USP36: variants seen among roughly 807,000 people sequenced by gnomAD.
The protein encoded by USP36 is ubiquitin specific peptidase 36, also known as ubiquitin carboxyl-terminal hydrolase 36.
A neutral mutation model predicts 111.5 loss-of-function variants in USP36; 59 were observed. The observed-to-expected ratio is 0.53, with a 90% confidence interval of 0.43 to 0.66. The LOEUF is 0.66. Ranked by LOEUF, USP36 falls within the 30% of genes least tolerant of loss-of-function variation. The probability of loss-of-function intolerance (pLI) is 0.00; values close to 1 mark genes in which losing one functional copy is unlikely to be tolerated. For missense variants in USP36, 1,488 were observed against 1,468.0 expected (o/e 1.01, Z -0.22); for synonymous variants, 628 against 581.0 (o/e 1.08, Z -1.16).
chr17:78,803,927 G>T lies in USP36; in HGVS notation c.2268C>A (p.Ser756Arg). ...QSSSRLQPPFSPHPTLLSSTP... is the reference protein window; with the variant it reads ...QSSSRLQPPFRPHPTLLSSTP... ...TACTGGACAGCAATGTGGGGTGGGG[G>T]CTGAAGGGGGGTTGCAGGCGGCTGG... Residue 756 changes from serine to arginine, a missense_variant, in exon 16 of 21, where the codon AGC becomes AGA. By Grantham distance (110) the Ser-to-Arg change is moderately radical. Coordinates refer to ENST00000449938, the MANE Select transcript of USP36 (RefSeq NM_001385174.1). The surrounding 1 kb of genome is among the most constrained non-coding windows in gnomAD (Gnocchi z 4.6). The T allele has an allele frequency of 6.6e-7, 1 of 1,516,090 alleles. No individual in the cohort carries two copies. The highest frequency in any genetic ancestry group is 1.8e-5 in the Admixed American group (1 of 56,936). 93.9% of individuals were successfully genotyped at this position (1,516,090 alleles called of 1,614,324 possible).
chr17:78,804,652 A>AG (rs2093847762), intron 15 of USP36, among the ~76,000 whole-genome samples: 1 of 148,566 alleles, frequency 6.7e-6, no homozygotes, highest in African/African-American at 2.5e-5. Flanking sequence ...AAAAAAAAAA[A>AG]AGCAAGCCAA....
intron 3 of USP36, among the ~76,000 whole-genome samples, chr17:78,789,495 G>T (rs145375689): frequency 3.6e-4 from 55 of 152,320 alleles, no homozygotes; most frequent in African/African-American, 1.3e-3. Context: ...TTGCAGCATA[G>T]ACCTTGCAGA....
chr17:78,802,606 G>A lies in USP36; in HGVS notation c.2811-71C>T, dbSNP rs369280197. The stretch of plus-strand genomic sequence containing the variant: ...GGGGAGCAGGAGCGCACAGACACCC[G>A]CCTGCAACATGGAGAAGGTGCCACC... On this transcript the variant is annotated intron_variant, in intron 16 of 20. Transcript: ENST00000449938. 46 of 1,442,476 alleles carry A rather than the reference G, an allele frequency of 3.2e-5. No individual in the cohort carries two copies. The African/African-American group carries it at 4.2e-4, about 13-fold the overall frequency. 89.4% of individuals were successfully genotyped at this position (1,442,476 alleles called of 1,614,324 possible). A position where few individuals can be genotyped will look rare whatever the true frequency, so the allele number is the denominator to read the frequency against.
chr17:78,821,057 C>T lies in USP36; in HGVS notation c.762G>A (p.Lys254=). ...IFGGYLRSRV[K]CSVCKSVSDT... Reference sequence around the variant, plus strand: ...CCGAGACGCTCTTGCACACGGAGCACTTCACTGCAACAGAACAGAGGCAGT... The same window carrying T: ...CCGAGACGCTCTTGCACACGGAGCATTTCACTGCAACAGAACAGAGGCAGT... Residue 254 remains lysine (K), a synonymous_variant, in exon 8 of 21, where the codon AAG becomes AAA. Coordinates refer to ENST00000449938, the MANE Select transcript of USP36 (RefSeq NM_001385174.1). The T allele has an allele frequency of 1.6e-5, 26 of 1,601,294 alleles. No individual in the cohort carries two copies. Among genetic ancestry groups the T allele is most frequent in the Non-Finnish European group, 2.2e-5 (26 of 1,173,628 alleles).
At position 78,808,600 on chromosome 17, in the gene USP36, C is replaced by T. The variant is rs539813992; in HGVS notation, c.1408-964G>A. Among the ~76,000 whole-genome samples the T allele has an allele frequency of 2.2e-4, 34 of 152,332 alleles. No homozygotes were observed. The East Asian group carries it at 6.2e-3, about 28-fold the overall frequency. On this transcript the variant is annotated intron_variant, in intron 13 of 20. Coordinates refer to ENST00000449938, the MANE Select transcript of USP36 (RefSeq NM_001385174.1). The stretch of plus-strand genomic sequence containing the variant: ...CTATATATACTATGTACTACTGATA[C>T]ACATTAACTGTATGGTTAATTTATA...
chr17:78,827,016 G>T (rs548069811), intron 6 of USP36: 1 of 669,170 alleles, frequency 1.5e-6, no homozygotes, highest in East Asian at 2.7e-5. Flanking sequence ...CTACCAAGCC[G>T]CCCCGGACCA....
intron 13 of USP36, among the ~76,000 whole-genome samples, chr17:78,811,985 T>C (rs975400690): frequency 4.6e-5 from 7 of 152,276 alleles, no homozygotes; most frequent in East Asian, 3.9e-4. Context: ...GCTGAGGAGC[T>C]TAAGACCAGC....
chr17:78,814,446 C>A lies in USP36; in HGVS notation c.1130G>T (p.Ser377Ile). The change falls in exon 11 of 21, where the codon AGC (serine) becomes ATC (isoleucine). Residue 377 changes from serine to isoleucine, a missense_variant. Transcript: ENST00000449938. ...LYAVLVHSGY[S>I]CHAGHYYCYV... ...GCAGTAATAGTGCCCGGCATGGCAGCTGTAGCCCGAGTGCACCAGGACAGC... is the reference window on the plus strand; with the variant it reads ...GCAGTAATAGTGCCCGGCATGGCAGATGTAGCCCGAGTGCACCAGGACAGC... The A allele has an allele frequency of 5.6e-6, 9 of 1,614,176 alleles. No homozygotes were observed. The highest frequency in any genetic ancestry group is 7.6e-6 in the Non-Finnish European group (9 of 1,180,030).
Position 78,834,997 on chromosome 17 carries a change from G to GTGTATA in USP36, c.475+282_475+283insTATACA, listed in dbSNP as rs968867639. Among the ~76,000 whole-genome samples, 34 of 141,378 alleles carry GTGTATA rather than the reference G, an allele frequency of 2.4e-4. 1 individual carries two copies. The highest frequency in any genetic ancestry group is 9.5e-4 in the African/African-American group (34 of 35,762). The allele number at this position is 141,378 out of a possible 152,430, so 92.7% of individuals were successfully genotyped here. ...TACTGTCTCTAAAAAAATAATATTTGTATATATATATATATATATATTTTG... is the reference window on the plus strand; with the variant it reads ...TACTGTCTCTAAAAAAATAATATTTGTGTATATATATATATATATATATATATTTTG... On this transcript the variant is annotated intron_variant, in intron 4 of 20. Transcript: ENST00000449938.
chr17:78,823,781 A>C (rs1305611079), intron 6 of USP36, among the ~76,000 whole-genome samples: 1 of 152,188 alleles, frequency 6.6e-6, no homozygotes, highest in East Asian at 1.9e-4. Context: ...AAAAAAACTC[A>C]AAACTATCCT....
chr17:78,811,696 C>G (rs1220602271), intron 13 of USP36, among the ~76,000 whole-genome samples: 2 of 151,894 alleles, frequency 1.3e-5, no homozygotes, highest in Non-Finnish European at 2.9e-5. Context: ...AGTGAAACCC[C>G]GTCTCCACTA....
chr17:78,803,638 C>T lies in USP36; in HGVS notation c.2557G>A (p.Glu853Lys), dbSNP rs1336908007. 6.2e-7 allele frequency: 1 copy of T among 1,610,620 alleles called. No homozygotes were observed. The highest frequency in any genetic ancestry group is 1.3e-5 in the African/African-American group (1 of 74,828). ...KRKRKKKKRP[E>K]DTAASALQEG... is the part of the protein sequence containing the mutation. ...TGCAGGGCGCTGGCAGCTGTGTCCT[C>T]CGGGCGCTTCTTCTTCTTCCTCTTC... The change falls in exon 16 of 21, where the codon GAG becomes AAG. Residue 853 changes from glutamate to lysine, a missense_variant. This residue lies in a region of USP36 where 1,073 missense variants were observed against 994.1 expected (regional missense o/e 1.08). Coordinates refer to ENST00000449938, the MANE Select transcript of USP36 (RefSeq NM_001385174.1). The surrounding 1 kb of genome is among the most constrained non-coding windows in gnomAD (Gnocchi z 4.6).
At chr17:78,820,258 G>A (rs1204970052) in intron 8 of USP36, among the ~76,000 whole-genome samples, 1 of 152,184 alleles carries the variant, frequency 6.6e-6, no homozygotes, top group Non-Finnish European at 1.5e-5. Context: ...GAGGATCATT[G>A]AGGCCAGGAG....
intron 9 of USP36, chr17:78,819,007 A>G: frequency 4.4e-6 from 2 of 451,792 alleles, no homozygotes; most frequent in Admixed American, 7.0e-5. Context: ...CTAAAGCAAA[A>G]AAATAAAAGT....
intron 4 of USP36, among the ~76,000 whole-genome samples, chr17:78,834,919 TACA>T (rs1217438280): frequency 1.3e-5 from 2 of 151,628 alleles, no homozygotes; most frequent in Admixed American, 1.3e-4. Flanking sequence ...AGTTCAAGAC[TACA>T]ACGAGTTGTG....
chr17:78,823,539 G>A (rs2094381101), intron 6 of USP36, among the ~76,000 whole-genome samples: 1 of 152,210 alleles, frequency 6.6e-6, no homozygotes, highest in Non-Finnish European at 1.5e-5. Context: ...GTAGAGAACA[G>A]CTGGGCAAGA....
Position 78,807,653 on chromosome 17 carries a change from AG to A in USP36, c.1408-18del. The A allele has an allele frequency of 6.6e-7, 1 of 1,514,130 alleles. No individual in the cohort carries two copies. The allele number at this position is 1,514,130 out of a possible 1,614,324, so 93.8% of individuals were successfully genotyped here. Reference sequence around the variant, plus strand: ...GTCTTGTCGCTAAGGAGACCAAAGCAGAAAACACAACTGAGGAAGCGAGAAG... The same window carrying A: ...GTCTTGTCGCTAAGGAGACCAAAGCAAAAACACAACTGAGGAAGCGAGAAG... On this transcript the variant is annotated intron_variant, in intron 13 of 20. Transcript: ENST00000449938.
Position 78,814,262 on chromosome 17 carries a change from T to G in USP36, c.1164+150A>C, listed in dbSNP as rs2094131666. 4 of 1,091,930 alleles carry G rather than the reference T, an allele frequency of 3.7e-6. No individual in the cohort carries two copies. In the South Asian group the frequency reaches 6.5e-5, roughly 18 times the overall value. The allele number at this position is 1,091,930 out of a possible 1,614,324, so 67.6% of individuals were successfully genotyped here. A position where few individuals can be genotyped will look rare whatever the true frequency, so the allele number is the denominator to read the frequency against. On this transcript the variant is annotated intron_variant, in intron 11 of 20. Transcript: ENST00000449938. Reference sequence around the variant, plus strand: ...ACTTCTGTAAAGGGCATCTTTTCACTCCACGCAGAGAGGCAACAACGAGGA... The same window carrying G: ...ACTTCTGTAAAGGGCATCTTTTCACGCCACGCAGAGAGGCAACAACGAGGA...
Position 78,807,518 on chromosome 17 carries a change from A to T in USP36, c.1526T>A (p.Leu509Gln). The T allele has an allele frequency of 6.2e-7, 1 of 1,613,866 alleles. No homozygotes were observed. The highest frequency in any genetic ancestry group is 8.5e-7 in the Non-Finnish European group (1 of 1,179,882). The change falls in exon 14 of 21, where the codon CTG becomes CAG. Residue 509 changes from leucine (L) to glutamine (Q), a missense_variant. Leu to Gln is a moderately radical substitution (Grantham distance 113). Coordinates refer to ENST00000449938, the MANE Select transcript of USP36 (RefSeq NM_001385174.1). ...TTTGGGGGAAGGGGACCCCGAGGGC[A>T]GCTTTGGAGGAATGCAGCCGTTCTG... ...KSQNGCIPPK[L>Q]PSGSPSPKLS... is the part of the protein sequence containing the mutation.
Sources: gnomAD v4.1 joint callset for allele counts (sites outside exome capture counted in the v4.1 genomes callset) on GRCh38, gnomAD v4.1.1 for gene constraint, gnomAD v4.1.1 regional missense constraint, Gnocchi (gnomAD v3.1) non-coding constraint, MANE v1.5 for transcripts, NCBI Gene and HGNC (gene_info 2026-07-23, HGNC 2026-07-21) for gene names.